The following KIAA1217 variants were observed in gnomAD, a reference collection of about 807,000 sequenced individuals.
KIAA1217 encodes sickle tail protein homolog.
A neutral mutation model predicts 163.9 loss-of-function variants in KIAA1217; 88 were observed. That is an observed-to-expected ratio of 0.54 (90% CI 0.45 to 0.64). The LOEUF is 0.64. Ranked by LOEUF, KIAA1217 falls within the 30% of genes least tolerant of loss-of-function variation. The probability of loss-of-function intolerance (pLI) is 0.00; values close to 1 mark genes in which losing one functional copy is unlikely to be tolerated. For missense variants in KIAA1217, 2,372 were observed against 2,475.0 expected (o/e 0.96, Z 0.88); for synonymous variants, 903 against 923.1 (o/e 0.98, Z 0.39).
At chr10:24,352,381 G>A (rs2048557813) in intron 2 of KIAA1217, among the ~76,000 whole-genome samples, 1 of 152,208 alleles carries the variant, frequency 6.6e-6, no homozygotes, top group South Asian at 2.1e-4. Flanking sequence ...TGCAAAGTAT[G>A]TATGTATACT....
At chr10:23,880,716 T>C (rs1024608830) in intron 1 of KIAA1217, among the ~76,000 whole-genome samples, 1 of 151,888 alleles carries the variant, frequency 6.6e-6, no homozygotes, top group African/African-American at 2.4e-5. Flanking sequence ...TTTTAATCCA[T>C]AAATATATAC....
chr10:24,194,302 C>CCCTCT (rs1453095197), intron 2 of KIAA1217, among the ~76,000 whole-genome samples: 2 of 116,926 alleles, frequency 1.7e-5, no homozygotes, highest in Admixed American at 8.5e-5. Flanking sequence ...CCCTCCTCTC[C>CCCTCT]CCTCCCCTCC....
intron 3 of KIAA1217, among the ~76,000 whole-genome samples, chr10:24,431,815 G>A (rs2059623755): frequency 6.6e-6 from 1 of 152,228 alleles, no homozygotes; most frequent in South Asian, 2.1e-4. Context: ...TAGGAGGCAG[G>A]GTGCACTGGG....
intron 2 of KIAA1217, among the ~76,000 whole-genome samples, chr10:24,070,668 C>T (rs1285968760): frequency 1.3e-5 from 2 of 152,114 alleles, no homozygotes; most frequent in Admixed American, 1.3e-4. Context: ...ATAGTTGTAA[C>T]CTATTTTCCC....
At chr10:23,924,216 G>A (rs1842944641) in intron 1 of KIAA1217, among the ~76,000 whole-genome samples, 2 of 146,712 alleles carry the variant, frequency 1.4e-5, no homozygotes, top group Non-Finnish European at 3.0e-5. Context: ...AAGCCACTGT[G>A]TTTGGGGTAA....
At chr10:24,021,459 A>C (rs1401868583) in intron 2 of KIAA1217, among the ~76,000 whole-genome samples, 1 of 152,024 alleles carries the variant, frequency 6.6e-6, no homozygotes, top group Non-Finnish European at 1.5e-5. Context: ...GATATAAATA[A>C]ATGAAGAGAG....
chr10:24,358,025 A>G (rs1209233240), intron 2 of KIAA1217, among the ~76,000 whole-genome samples: 1 of 152,226 alleles, frequency 6.6e-6, no homozygotes, highest in Non-Finnish European at 1.5e-5. Flanking sequence ...TAAGCCCCCA[A>G]ATCAAGCAAG....
chr10:24,230,502 G>T (rs111542051), intron 2 of KIAA1217, among the ~76,000 whole-genome samples: 1,209 of 90,702 alleles, frequency 0.013, 23 homozygotes, highest in African/African-American at 0.033. Flanking sequence ...TATTTGTTTT[G>T]TTTTTTTTTT....
intron 2 of KIAA1217, among the ~76,000 whole-genome samples, chr10:24,019,177 A>G (rs1174838209): frequency 6.6e-6 from 1 of 152,098 alleles, no homozygotes; most frequent in Non-Finnish European, 1.5e-5. Context: ...CTTGAAAATC[A>G]CTGAAAAAGT....
intron 1 of KIAA1217, among the ~76,000 whole-genome samples, chr10:23,777,151 T>C (rs1835041864): frequency 1.3e-5 from 2 of 152,344 alleles, no homozygotes; most frequent in South Asian, 4.1e-4. Context: ...CTGGGAAACA[T>C]GAACTCCAGA....
intron 2 of KIAA1217, among the ~76,000 whole-genome samples, chr10:24,359,894 T>C (rs1163694898): frequency 6.6e-6 from 1 of 152,138 alleles, no homozygotes; most frequent in African/African-American, 2.4e-5. Context: ...TTTTATTCCA[T>C]CTTTAAGTAT....
chr10:24,095,003 T>C (rs1176457709), intron 2 of KIAA1217, among the ~76,000 whole-genome samples: 1 of 152,142 alleles, frequency 6.6e-6, no homozygotes, highest in African/African-American at 2.4e-5. Flanking sequence ...GTGCTAGCAA[T>C]CAGTGAGACT....
intron 2 of KIAA1217, among the ~76,000 whole-genome samples, chr10:24,369,960 C>G (rs1361162454): frequency 6.6e-6 from 1 of 152,166 alleles, no homozygotes; most frequent in African/African-American, 2.4e-5. Flanking sequence ...TTCAAGGCAA[C>G]TTGCAATAAA....
chr10:23,957,791 C>A (rs1238955260), intron 1 of KIAA1217, among the ~76,000 whole-genome samples: 1 of 152,148 alleles, frequency 6.6e-6, no homozygotes, highest in African/African-American at 2.4e-5. Context: ...CAGGCATACA[C>A]CTTTGAACAC....
At chr10:24,471,346 A>G (rs1304912564) in intron 5 of KIAA1217, among the ~76,000 whole-genome samples, 1 of 152,038 alleles carries the variant, frequency 6.6e-6, no homozygotes, top group Middle Eastern at 3.2e-3. Flanking sequence ...GACCTCACCA[A>G]TAGAACTTGA....
At chr10:23,784,985 T>C (rs1746935374) in intron 1 of KIAA1217, among the ~76,000 whole-genome samples, 1 of 152,194 alleles carries the variant, frequency 6.6e-6, no homozygotes, top group Non-Finnish European at 1.5e-5. Flanking sequence ...GCTTACTTCC[T>C]TTCAAGCTAC....
chr10:23,996,826 A>C (rs1171020607), intron 1 of KIAA1217, among the ~76,000 whole-genome samples: 1 of 152,106 alleles, frequency 6.6e-6, no homozygotes, highest in Admixed American at 6.6e-5. Context: ...AAAAGAATGA[A>C]GAGAGATGCT....
At chr10:23,699,017 C>T (rs932762373) in intron 1 of KIAA1217, among the ~76,000 whole-genome samples, 1 of 152,048 alleles carries the variant, frequency 6.6e-6, no homozygotes, top group African/African-American at 2.4e-5. Context: ...TGAGCCACTG[C>T]ACCTGGCTGG....
chr10:24,188,465 C>T (rs938104865), intron 2 of KIAA1217, among the ~76,000 whole-genome samples: 10 of 152,286 alleles, frequency 6.6e-5, no homozygotes, highest in African/African-American at 2.2e-4. Context: ...TTATATCCAG[C>T]TTTGAACCTC....
Sources: gnomAD v4.1 joint callset for allele counts (sites outside exome capture counted in the v4.1 genomes callset) on GRCh38, gnomAD v4.1.1 for gene constraint, MANE v1.5 for transcripts, NCBI Gene and HGNC (gene_info 2026-07-23, HGNC 2026-07-21) for gene names.